The following DAAM1 variants were observed in gnomAD, a reference collection of about 807,000 sequenced individuals.
The protein encoded by DAAM1 is disheveled-associated activator of morphogenesis 1.
In DAAM1, 52 loss-of-function variants were observed where a neutral mutation model predicts 130.0. That is an observed-to-expected ratio of 0.40 (90% CI 0.32 to 0.50). The LOEUF (loss-of-function observed/expected upper bound fraction) is 0.50. Ranked by LOEUF, DAAM1 falls within the 20% of genes least tolerant of loss-of-function variation. The pLI is 0.61. For synonymous variants in DAAM1, 452 were observed against 444.5 expected, an observed-to-expected ratio of 1.02 and a Z score of -0.21; for missense variants, 1,134 against 1,303.8, an observed-to-expected ratio of 0.87 and a Z score of 2.01.
At chr14:59,281,899 A>G (rs1045369329) in intron 2 of DAAM1, among the ~76,000 whole-genome samples, 5 of 152,094 alleles carry the variant, frequency 3.3e-5, no homozygotes, top group African/African-American at 1.2e-4. Flanking sequence ...TCTTATTATT[A>G]TTATACCCTG....
At chr14:59,254,103 G>A (rs1405529869) in intron 1 of DAAM1, among the ~76,000 whole-genome samples, 2 of 152,202 alleles carry the variant, frequency 1.3e-5, no homozygotes, top group Non-Finnish European at 2.9e-5. Context: ...AATACCAAAA[G>A]TGTGCTCCTT....
chr14:59,201,308 G>A (rs950611226), intron 1 of DAAM1, among the ~76,000 whole-genome samples: 1 of 152,096 alleles, frequency 6.6e-6, no homozygotes, highest in Non-Finnish European at 1.5e-5. Context: ...AGCTGGTTAA[G>A]TGCACAGCTT....
At chr14:59,215,430 G>A (rs977467676) in intron 1 of DAAM1, among the ~76,000 whole-genome samples, 3 of 152,228 alleles carry the variant, frequency 2.0e-5, no homozygotes, top group Admixed American at 1.3e-4. Context: ...GCTGAATCAA[G>A]GCTTGTTCAG....
chr14:59,341,264 G>C (rs1430078607), intron 16 of DAAM1, among the ~76,000 whole-genome samples: 1 of 152,152 alleles, frequency 6.6e-6, no homozygotes, highest in Non-Finnish European at 1.5e-5. Context: ...GCTGAAAGCT[G>C]TGTAAATGGC....
chr14:59,367,434 T>C lies in DAAM1; in HGVS notation c.2832T>C (p.Thr944=). 6.2e-7 allele frequency: 1 copy of C among 1,605,938 alleles called. No homozygotes were observed. Among genetic ancestry groups the C allele is most frequent in the South Asian group, 1.1e-5 (1 of 89,612 alleles). The stretch of plus-strand genomic sequence containing the variant: ...TAAAACCATCTTTTTCCTAGTTTAC[T>C]AAAGCAGTGAAGCACTTTGGGGAAG... ...DLLAEAKDLF[T]KAVKHFGEEA... is the part of the protein sequence containing the mutation. The change falls in exon 24 of 25, where the codon ACT becomes ACC. Residue 944 remains threonine (T), a synonymous_variant. Transcript: ENST00000360909.
chr14:59,326,393 C>A, intron 10 of DAAM1, 117 bp from the exon 11 acceptor site: 1 of 1,007,138 alleles, frequency 9.9e-7, no homozygotes, highest in Non-Finnish European at 1.4e-6. Context: ...AGCATTGGTG[C>A]AGATGTTATA....
intron 22 of DAAM1, among the ~76,000 whole-genome samples, chr14:59,361,160 G>C (rs1485639802): frequency 1.3e-5 from 2 of 152,178 alleles, no homozygotes; most frequent in South Asian, 4.1e-4. Context: ...TGGGCTAGAT[G>C]ATCTTCAGGG....
rs1027151164 is a variant in DAAM1 at position 59,371,278 on chromosome 14, C to A, written c.*2419C>A. The stretch of plus-strand genomic sequence containing the variant: ...ATCTTATTAGCTTAGTAGTTGGAAC[C>A]ACTTAGTCTTTAGGTGCAAGACTGT... On this transcript the variant is annotated 3_prime_UTR_variant, in exon 25 of 25. Transcript: ENST00000360909. The A allele has an allele frequency of 1.3e-5, 2 of 151,428 alleles. No homozygotes were observed. Among genetic ancestry groups the A allele is most frequent in the East Asian group, 3.9e-4 (2 of 5,172 alleles). 9.4% of individuals were successfully genotyped at this position (151,428 alleles called of 1,614,324 possible). A position where few individuals can be genotyped will look rare whatever the true frequency, so the allele number is the denominator to read the frequency against.
chr14:59,355,955 G>A (rs1384323135), intron 20 of DAAM1, among the ~76,000 whole-genome samples: 1 of 152,184 alleles, frequency 6.6e-6, no homozygotes, highest in Non-Finnish European at 1.5e-5. Context: ...GTTGCTCATT[G>A]CAGGTCTCAT....
intron 1 of DAAM1, among the ~76,000 whole-genome samples, chr14:59,224,074 A>G (rs748280209): frequency 5.9e-5 from 9 of 152,224 alleles, no homozygotes; most frequent in Non-Finnish European, 8.8e-5. Flanking sequence ...GCAGCATGGT[A>G]AAAGTTATAT....
chr14:59,346,150 G>T (rs1006131636), intron 16 of DAAM1, among the ~76,000 whole-genome samples: 1 of 123,802 alleles, frequency 8.1e-6, no homozygotes, highest in Non-Finnish European at 1.7e-5. Flanking sequence ...GGGGGGGGGG[G>T]GTGCCTGGAG....
chr14:59,228,445 A>G (rs183757936), intron 1 of DAAM1, among the ~76,000 whole-genome samples: 51 of 152,274 alleles, frequency 3.3e-4, no homozygotes, highest in East Asian at 1.4e-3. Flanking sequence ...GGGAAATTGT[A>G]TTTTTACTAT....
intron 13 of DAAM1, among the ~76,000 whole-genome samples, 181 bp from the exon 14 acceptor site, chr14:59,331,028 T>G (rs949178796): frequency 6.6e-6 from 1 of 152,136 alleles, no homozygotes; most frequent in Non-Finnish European, 1.5e-5. Context: ...GTACAAAAGG[T>G]TGATGCACTG....
rs1312785276 is a variant in DAAM1 at position 59,370,940 on chromosome 14, C to T, written c.*2081C>T. The T allele has an allele frequency of 6.6e-6, 1 of 151,782 alleles. No homozygotes were observed. Among genetic ancestry groups the T allele is most frequent in the Non-Finnish European group, 1.5e-5 (1 of 67,912 alleles). 9.4% of individuals were successfully genotyped at this position (151,782 alleles called of 1,614,324 possible). A position where few individuals can be genotyped will look rare whatever the true frequency, so the allele number is the denominator to read the frequency against. ...AGGAATAGACAGGTGGAGGGAAAGTCACATAAAGGAGCAAGTTTGTGTAGC... is the reference window on the plus strand; with the variant it reads ...AGGAATAGACAGGTGGAGGGAAAGTTACATAAAGGAGCAAGTTTGTGTAGC... On this transcript the variant is annotated 3_prime_UTR_variant, in exon 25 of 25. Transcript: ENST00000360909.
chr14:59,191,332 A>C (rs1367207700), intron 1 of DAAM1, among the ~76,000 whole-genome samples: 1 of 151,818 alleles, frequency 6.6e-6, no homozygotes, highest in Non-Finnish European at 1.5e-5. Context: ...CTGCTTGTCT[A>C]CCCTACTAGA....
chr14:59,297,320 T>G (rs1264453815), intron 3 of DAAM1, among the ~76,000 whole-genome samples: 1 of 152,212 alleles, frequency 6.6e-6, no homozygotes, highest in Non-Finnish European at 1.5e-5. Context: ...TTTGGTAACG[T>G]GTGTCCAGAG....
intron 3 of DAAM1, among the ~76,000 whole-genome samples, chr14:59,307,550 ATATTT>A (rs1362388599): frequency 6.6e-6 from 1 of 152,236 alleles, no homozygotes; most frequent in Non-Finnish European, 1.5e-5. Flanking sequence ...ATCTTCAAGT[ATATTT>A]TATTTTTGAA....
At chr14:59,336,197 G>A in intron 15 of DAAM1, among the ~76,000 whole-genome samples, 1 of 152,070 alleles carries the variant, frequency 6.6e-6, no homozygotes. Context: ...TCATGTAAAA[G>A]TTATGATTAT....
chr14:59,272,175 T>C lies in DAAM1; in HGVS notation c.183+8515T>C, dbSNP rs80191891. Among the ~76,000 whole-genome samples, 1,488 of 152,304 alleles carry C rather than the reference T, an allele frequency of 9.8e-3. 15 individuals carry two copies. Among genetic ancestry groups the C allele is most frequent in the Non-Finnish European group, 0.017 (1,126 of 68,024 alleles). On this transcript the variant is annotated intron_variant, in intron 2 of 24. Coordinates refer to ENST00000360909, the MANE Select transcript of DAAM1 (RefSeq NM_001270520.2). ...TGATACTAAAATTGTTCTGTTTCCATGAGATTAAAAGTTGGTTTTATTTGA... is the reference window on the plus strand; with the variant it reads ...TGATACTAAAATTGTTCTGTTTCCACGAGATTAAAAGTTGGTTTTATTTGA...
Sources: gnomAD v4.1 joint callset for allele counts (sites outside exome capture counted in the v4.1 genomes callset) on GRCh38, gnomAD v4.1.1 for gene constraint, MANE v1.5 for transcripts, NCBI Gene and HGNC (gene_info 2026-07-23, HGNC 2026-07-21) for gene names.